RARA: variants seen among roughly 807,000 people sequenced by gnomAD.
The protein encoded by RARA is retinoic acid receptor alpha.
A neutral mutation model predicts 42.8 loss-of-function variants in RARA; 5 were observed. That is an observed-to-expected ratio of 0.12 (90% CI 0.06 to 0.25). The LOEUF is 0.25. RARA is among the 10% of genes least tolerant of loss of function. The probability of loss-of-function intolerance (pLI) is 1.00; values close to 1 mark genes in which losing one functional copy is unlikely to be tolerated. For synonymous variants in RARA, 256 were observed against 259.5 expected (o/e 0.99, Z 0.13); for missense variants, 402 against 628.7 (o/e 0.64, Z 3.86).
chr17:40,354,960 G>C lies in RARA; in HGVS notation c.1013-303G>C, dbSNP rs1165295437. Among the ~76,000 whole-genome samples, 1 of 150,816 alleles carries C rather than the reference G, an allele frequency of 6.6e-6. No individual in the cohort carries two copies. Among genetic ancestry groups the C allele is most frequent in the Non-Finnish European group, 1.5e-5 (1 of 67,916 alleles). On this transcript the variant is annotated intron_variant, in intron 7 of 8. Coordinates refer to ENST00000254066, the MANE Select transcript of RARA (RefSeq NM_000964.4). The surrounding 1 kb of genome is among the most constrained non-coding windows in gnomAD (Gnocchi z 4.5). The stretch of plus-strand genomic sequence containing the variant: ...ATTTCATCTGGTTTCCAGAATAACA[G>C]GGGGGAGTGGGAGCCTGCCTGGGAA...
intron 2 of RARA, among the ~76,000 whole-genome samples, chr17:40,337,987 T>G (rs1322577286): frequency 6.6e-6 from 1 of 151,886 alleles, no homozygotes; most frequent in East Asian, 1.9e-4. Context: ...AAATGTAGAG[T>G]CAGACAAAAG....
rs2143497220 is a variant in RARA, at chr17:40,351,947, G to A, written c.507G>A (p.Val169=). 1 of 1,612,684 alleles carries A rather than the reference G, an allele frequency of 6.2e-7. No individual in the cohort carries two copies. The highest frequency in any genetic ancestry group is 8.5e-7 in the Non-Finnish European group (1 of 1,179,494). Residue 169 remains valine (V), a synonymous_variant, in exon 5 of 9, where the codon GTG becomes GTA. Coordinates refer to ENST00000254066, the MANE Select transcript of RARA (RefSeq NM_000964.4). This position sits in a 1 kb window ranked among gnomAD's most constrained non-coding sequence, Gnocchi z 4.1. The part of the protein sequence containing the change: ...RNDRNKKKKE[V]PKPECSESYT... ...ACCGAAACAAGAAGAAGAAGGAGGTGCCCAAGCCCGAGTGCTCTGAGAGCT... is the reference window on the plus strand; with the variant it reads ...ACCGAAACAAGAAGAAGAAGGAGGTACCCAAGCCCGAGTGCTCTGAGAGCT...
intron 1 of RARA, among the ~76,000 whole-genome samples, chr17:40,321,101 T>C (rs906004404): frequency 1.3e-5 from 2 of 151,860 alleles, no homozygotes; most frequent in Admixed American, 6.6e-5. Context: ...TGTGGGGGGA[T>C]GCACGGTGGG....
At chr17:40,341,608 G>T in intron 2 of RARA, 1 of 1,356,576 alleles carries the variant, frequency 7.4e-7, no homozygotes, top group East Asian at 3.1e-5. Context: ...GTGATGTCAC[G>T]GGCAGCGGTG....
Position 40,351,561 on chromosome 17 carries a change from G to A in RARA, c.470-349G>A, listed in dbSNP as rs1318837444. The A allele has an allele frequency of 4.2e-6, 2 of 473,834 alleles. No homozygotes were observed. Among genetic ancestry groups the A allele is most frequent in the Admixed American group, 5.1e-5 (2 of 39,584 alleles). The allele number at this position is 473,834 out of a possible 1,614,324, so 29.4% of individuals were successfully genotyped here. On this transcript the variant is annotated intron_variant, in intron 4 of 8. Transcript: ENST00000254066. The surrounding 1 kb of genome is among the most constrained non-coding windows in gnomAD (Gnocchi z 4.1). ...GTGGAGGCGGGAGAAGGACCTTCCT[G>A]GGGAAAGAGGAGGCAGAGCACCTAG...
rs761399808 is a variant in RARA at position 40,350,068 on chromosome 17, G to A, written c.469+143G>A. On this transcript the variant is annotated intron_variant, in intron 4 of 8. Coordinates refer to ENST00000254066, the MANE Select transcript of RARA (RefSeq NM_000964.4). ...GGTGTGCGGGCTCACGGTTGAGGATGGTTTGTGTGTAGCTGCAAGGACCTG... is the reference window on the plus strand; with the variant it reads ...GGTGTGCGGGCTCACGGTTGAGGATAGTTTGTGTGTAGCTGCAAGGACCTG... The A allele has an allele frequency of 3.5e-5, 46 of 1,319,048 alleles. No individual in the cohort carries two copies. The East Asian group carries it at 3.5e-4, about 10-fold the overall frequency. 81.7% of individuals were successfully genotyped at this position (1,319,048 alleles called of 1,614,324 possible). A position where few individuals can be genotyped will look rare whatever the true frequency, so the allele number is the denominator to read the frequency against.
At chr17:40,324,974 C>T (rs948185482) in intron 1 of RARA, among the ~76,000 whole-genome samples, 1 of 152,070 alleles carries the variant, frequency 6.6e-6, no homozygotes, top group Non-Finnish European at 1.5e-5. Context: ...CTGGGCTGGC[C>T]GGGCGTGGTG....
chr17:40,318,420 C>T (rs911472643), intron 1 of RARA: 2 of 152,280 alleles, frequency 1.3e-5, no homozygotes, highest in East Asian at 1.9e-4. Flanking sequence ...TCGCTGGCAC[C>T]CCGAACGGGT....
chr17:40,331,459 T>C (rs2033690666), intron 2 of RARA, 63 bp downstream of exon 2: 2 of 1,528,524 alleles, frequency 1.3e-6, no homozygotes, highest in Admixed American at 4.0e-5. Context: ...CCTCAGAGCT[T>C]GGGCTCTGGG....
chr17:40,349,958 C>T (rs1445508508), intron 4 of RARA, 33 bp downstream of exon 4: 2 of 1,609,934 alleles, frequency 1.2e-6, no homozygotes, highest in Non-Finnish European at 1.7e-6. Context: ...CGAGTCCCGC[C>T]TCAGTTGGGG....
At position 40,356,336 on chromosome 17, in the gene RARA, A is replaced by G. The variant is rs886541517; in HGVS notation, c.*110A>G. ...CCTGCCCCCACCTGCCCTCCCGGGCAGTACTGGGGACCTTCCCTGGGGGAC... is the reference window on the plus strand; with the variant it reads ...CCTGCCCCCACCTGCCCTCCCGGGCGGTACTGGGGACCTTCCCTGGGGGAC... On this transcript the variant is annotated 3_prime_UTR_variant, in exon 9 of 9. Transcript: ENST00000254066. 8.2e-7 allele frequency: 1 copy of G among 1,221,712 alleles called. No individual in the cohort carries two copies. The highest frequency in any genetic ancestry group is 1.2e-6 in the Non-Finnish European group (1 of 857,564). 75.7% of individuals were successfully genotyped at this position (1,221,712 alleles called of 1,614,324 possible). A position where few individuals can be genotyped will look rare whatever the true frequency, so the allele number is the denominator to read the frequency against.
intron 1 of RARA, among the ~76,000 whole-genome samples, chr17:40,314,584 G>C (rs1367466493): frequency 6.6e-6 from 1 of 150,512 alleles, no homozygotes; most frequent in Non-Finnish European, 1.5e-5. Flanking sequence ...CAGTGGTGAG[G>C]GGGCAGGGGC....
At position 40,352,949 on chromosome 17, in the gene RARA, G is replaced by A. The variant is rs761044232; in HGVS notation, c.807+442G>A. 2.6e-5 allele frequency among the ~76,000 whole-genome samples: 4 copies of A among 152,162 alleles called. No individual in the cohort carries two copies. Among genetic ancestry groups the A allele is most frequent in the Non-Finnish European group, 4.4e-5 (3 of 68,034 alleles). On this transcript the variant is annotated intron_variant, in intron 6 of 8. Coordinates refer to ENST00000254066, the MANE Select transcript of RARA (RefSeq NM_000964.4). The surrounding 1 kb of genome is among the most constrained non-coding windows in gnomAD (Gnocchi z 4.9). ...AAAAAGATTCACCTAGGATCCTCTG[G>A]CCAGTGTTCGAGCTGGGTGTCAGGA... is the stretch of plus-strand genomic sequence containing the variant.
At chr17:40,315,684 T>G (rs1442772362) in intron 1 of RARA, among the ~76,000 whole-genome samples, 1 of 152,086 alleles carries the variant, frequency 6.6e-6, no homozygotes, top group Non-Finnish European at 1.5e-5. Context: ...AAGACAGCCT[T>G]GTTGTACTAG....
Position 40,348,369 on chromosome 17 carries a change from C to A in RARA, c.232C>A (p.Pro78Thr), listed in dbSNP as rs2034335922. The change falls in exon 3 of 9, where the codon CCA becomes ACA. Residue 78 changes from proline to threonine, a missense_variant. Coordinates refer to ENST00000254066, the MANE Select transcript of RARA (RefSeq NM_000964.4). Reference sequence around the variant, plus strand: ...AGAGATAGTGCCCAGCCCTCCCTCGCCACCCCCTCTACCCCGCATCTACAA... The same window carrying A: ...AGAGATAGTGCCCAGCCCTCCCTCGACACCCCCTCTACCCCGCATCTACAA... ...SEEIVPSPPS[P>T]PPLPRIYKPC... The A allele has an allele frequency of 6.2e-7, 1 of 1,612,798 alleles. No homozygotes were observed. Among genetic ancestry groups the A allele is most frequent in the African/African-American group, 1.3e-5 (1 of 74,846 alleles).
chr17:40,332,867 C>T (rs2033736675), intron 2 of RARA, among the ~76,000 whole-genome samples: 1 of 152,122 alleles, frequency 6.6e-6, no homozygotes. Flanking sequence ...TGGTCTGGTC[C>T]TATAGTCTGT....
rs1436071976 is a variant in RARA at position 40,320,408 on chromosome 17, T to A, written c.-362-10449T>A. ...CCCGCTGGGCACAGTCACCCACACA[T>A]GCCATGACGTGGTTCCTGCCACCCC... is the stretch of plus-strand genomic sequence containing the variant. On this transcript the variant is annotated intron_variant, in intron 1 of 8. Coordinates refer to ENST00000254066, the MANE Select transcript of RARA (RefSeq NM_000964.4). The surrounding 1 kb of genome is among the most constrained non-coding windows in gnomAD (Gnocchi z 4.1). Among the ~76,000 whole-genome samples, 1 of 152,132 alleles carries A rather than the reference T, an allele frequency of 6.6e-6. No homozygotes were observed. The highest frequency in any genetic ancestry group is 1.5e-5 in the Non-Finnish European group (1 of 68,018).
At position 40,354,574 on chromosome 17, in the gene RARA, G is replaced by T. The variant is rs1000528532; in HGVS notation, c.1012+68G>T. ...GTGCAGCCCTGGAGTCTCTTCCAGG[G>T]AGCTCTTTCAGGCCACCTCTGTTAG... On this transcript the variant is annotated intron_variant, in intron 7 of 8. Transcript: ENST00000254066. The surrounding 1 kb of genome is among the most constrained non-coding windows in gnomAD (Gnocchi z 4.5). The T allele has an allele frequency of 1.9e-6, 3 of 1,553,238 alleles. No homozygotes were observed. The highest frequency in any genetic ancestry group is 1.1e-5 in the South Asian group (1 of 87,658).
Position 40,356,449 on chromosome 17 carries a change from C to A in RARA, c.*223C>A. ...CCACAGCCTGGGCTGACGTCAGAGG[C>A]CGAGGCCAGGAACTGAGTGAGGCCC... On this transcript the variant is annotated 3_prime_UTR_variant, in exon 9 of 9. Coordinates refer to ENST00000254066, the MANE Select transcript of RARA (RefSeq NM_000964.4). 1.4e-6 allele frequency: 1 copy of A among 710,414 alleles called. No individual in the cohort carries two copies. Among genetic ancestry groups the A allele is most frequent in the Non-Finnish European group, 2.5e-6 (1 of 394,368 alleles). The allele number at this position is 710,414 out of a possible 1,614,324, so 44.0% of individuals were successfully genotyped here.
Sources: gnomAD v4.1 joint callset for allele counts (sites outside exome capture counted in the v4.1 genomes callset) on GRCh38, gnomAD v4.1.1 for gene constraint, Gnocchi (gnomAD v3.1) non-coding constraint, MANE v1.5 for transcripts, NCBI Gene and HGNC (gene_info 2026-07-23, HGNC 2026-07-21) for gene names.